The following KLF8 variants were observed in gnomAD, a reference collection of about 807,000 sequenced individuals.
KLF8 encodes the protein KLF transcription factor 8.
In KLF8, 10 loss-of-function variants were observed where a neutral mutation model predicts 18.2. The observed-to-expected ratio is 0.55, with a 90% CI of 0.34 to 0.93. KLF8 has a LOEUF of 0.93. KLF8 is among the 40% of genes least tolerant of loss of function. The probability of loss-of-function intolerance (pLI) is 0.02; values close to 1 mark genes in which losing one functional copy is unlikely to be tolerated. For missense variants in KLF8, 264 were observed against 277.9 expected, an observed-to-expected ratio of 0.95 and a Z score of 0.36; for synonymous variants, 109 against 97.3, an observed-to-expected ratio of 1.12 and a Z score of -0.71.
chrX:56,222,742 G>A, the KLF8 span, among the ~76,000 whole-genome samples: 53 of 113,162 alleles, frequency 4.7e-4, no homozygotes, highest in African/African-American at 1.6e-3. Context: ...CCCTGCCCCC[G>A]GGGAGGCAGC....
chrX:56,109,394 CA>C, the KLF8 span, among the ~76,000 whole-genome samples: 491 of 71,899 alleles, frequency 6.8e-3, no homozygotes, highest in East Asian at 0.049. Context: ...AACTCTATCT[CA>C]AAAAAAAAAA....
the KLF8 span, among the ~76,000 whole-genome samples, chrX:56,130,856 A>C: frequency 1.8e-5 from 2 of 112,020 alleles, no homozygotes; most frequent in African/African-American, 6.5e-5. Context: ...AGAAATGCGA[A>C]ATGTACTGGA....
At chrX:55,993,974 G>A in the KLF8 span, among the ~76,000 whole-genome samples, 34 of 104,392 alleles carry the variant, frequency 3.3e-4, no homozygotes, top group Non-Finnish European at 4.7e-4. Flanking sequence ...GCAGTGGTGC[G>A]ATCTCAGCTC....
chrX:56,228,187 A>G (rs1414385225), upstream of KLF8, among the ~76,000 whole-genome samples: 7 of 112,411 alleles, frequency 6.2e-5, no homozygotes, highest in Non-Finnish European at 1.1e-4. Context: ...GCATGTTCTC[A>G]ATATCTATGA....
chrX:56,062,160 AC>A, the KLF8 span, among the ~76,000 whole-genome samples: 1 of 109,130 alleles, frequency 9.2e-6, no homozygotes, highest in Non-Finnish European at 1.9e-5. Context: ...CAGCCCGTTT[AC>A]TTTTAAGGTT....
At chrX:56,186,852 G>C in the KLF8 span, among the ~76,000 whole-genome samples, 5 of 111,851 alleles carry the variant, frequency 4.5e-5, no homozygotes, top group East Asian at 2.8e-4. Flanking sequence ...CAACATACCA[G>C]AATCTCTGGG....
the KLF8 span, among the ~76,000 whole-genome samples, chrX:55,918,835 A>G: frequency 1.8e-5 from 2 of 111,829 alleles, no homozygotes; most frequent in African/African-American, 6.5e-5. Context: ...TAATGATTTC[A>G]TCTTGATTAC....
the KLF8 span, among the ~76,000 whole-genome samples, chrX:56,030,608 G>C: frequency 1.8e-5 from 2 of 109,957 alleles, no homozygotes; most frequent in Non-Finnish European, 3.8e-5. Context: ...GCTCTCTCAG[G>C]GGCATTTGTG....
the KLF8 span, among the ~76,000 whole-genome samples, chrX:56,003,666 G>C: frequency 9.0e-6 from 1 of 111,575 alleles, no homozygotes; most frequent in Non-Finnish European, 1.9e-5. Flanking sequence ...TCCTGGGCAA[G>C]GTGATAAAAT....
chrX:56,251,812 A>G (rs2066718428), intron 2 of KLF8, among the ~76,000 whole-genome samples: 1 of 111,203 alleles, frequency 9.0e-6, no homozygotes, highest in African/African-American at 3.3e-5. Context: ...TATGGGATAC[A>G]TTGAGATGTT....
chrX:56,269,774 C>T (rs766776633), intron 4 of KLF8, among the ~76,000 whole-genome samples: 1 of 112,472 alleles, frequency 8.9e-6, no homozygotes, highest in African/African-American at 3.2e-5. Context: ...TGTACTGTTT[C>T]TCTCTGTAAG....
At chrX:56,145,671 A>T in the KLF8 span, among the ~76,000 whole-genome samples, 2 of 112,409 alleles carry the variant, frequency 1.8e-5, no homozygotes, top group African/African-American at 6.5e-5. Context: ...TGAACCTTAA[A>T]AACATTGTGC....
the KLF8 span, among the ~76,000 whole-genome samples, chrX:56,195,334 G>GA: frequency 1.8e-5 from 2 of 111,514 alleles, no homozygotes; most frequent in Non-Finnish European, 3.8e-5. Flanking sequence ...TAAAACCCTT[G>GA]AAAAAAGATT....
At chrX:55,991,053 G>A in the KLF8 span, among the ~76,000 whole-genome samples, 1 of 112,212 alleles carries the variant, frequency 8.9e-6, no homozygotes, top group East Asian at 2.8e-4. Flanking sequence ...TTAAGTCTGC[G>A]GAGTTTTCTG....
the KLF8 span, among the ~76,000 whole-genome samples, chrX:56,017,661 T>C: frequency 1.1e-4 from 12 of 111,788 alleles, no homozygotes; most frequent in African/African-American, 3.9e-4. Flanking sequence ...GTACTGATTG[T>C]GTCATAATCT....
At chrX:56,265,777 C>A (rs67351130) in intron 3 of KLF8, 33 bp downstream of exon 3, 54,926 of 1,169,874 alleles carry the variant, frequency 0.047, 3,625 homozygotes, top group African/African-American at 0.38. Flanking sequence ...TCCTGGCCTT[C>A]CTGAATCTAT....
the KLF8 span, among the ~76,000 whole-genome samples, chrX:56,001,975 A>T: frequency 8.9e-5 from 10 of 112,361 alleles, no homozygotes; most frequent in Non-Finnish European, 1.3e-4. Context: ...TTTTAGAATG[A>T]AGTCCAGACT....
chrX:56,018,021 C>T, the KLF8 span, among the ~76,000 whole-genome samples: 2 of 111,832 alleles, frequency 1.8e-5, no homozygotes, highest in Admixed American at 9.5e-5. Flanking sequence ...AAGCACTTAT[C>T]ATTTATTTGT....
At chrX:56,134,655 G>A in the KLF8 span, among the ~76,000 whole-genome samples, 2 of 111,201 alleles carry the variant, frequency 1.8e-5, no homozygotes, top group African/African-American at 6.5e-5. Context: ...AGGATAAATA[G>A]GTGGAACTTC....
Sources: allele counts gnomAD v4.1 joint callset (sites outside exome capture counted in the v4.1 genomes callset), GRCh38; gene constraint gnomAD v4.1.1; transcripts MANE v1.5; gene names NCBI Gene and HGNC (gene_info 2026-07-23, HGNC 2026-07-21).